Variants in ATF1 observed in about 807,000 individuals in gnomAD.
ATF1 encodes cyclic AMP-dependent transcription factor ATF-1.
Under a neutral mutation model 34.7 loss-of-function variants are expected in ATF1, and 16 were observed. That is an observed-to-expected ratio of 0.46 (90% CI 0.31 to 0.70). The LOEUF is 0.70. Ranked by LOEUF, ATF1 falls within the 30% of genes least tolerant of loss-of-function variation. ATF1 has a pLI of 0.05. For synonymous variants in ATF1, 105 were observed against 113.1 expected, an observed-to-expected ratio of 0.93 and a Z score of 0.46; for missense variants, 255 against 321.6, an observed-to-expected ratio of 0.79 and a Z score of 1.58.
At chr12:50,785,780 C>CAGTAACT (rs1941174624) in intron 2 of ATF1, among the ~76,000 whole-genome samples, 1 of 152,158 alleles carries the variant, frequency 6.6e-6, no homozygotes, top group African/African-American at 2.4e-5. Flanking sequence ...TAAAGGCCAC[C>CAGTAACT]AGTAACTCCC....
At chr12:50,802,095 C>CCATAT (rs1941522856) in intron 3 of ATF1, among the ~76,000 whole-genome samples, 1 of 152,154 alleles carries the variant, frequency 6.6e-6, no homozygotes, top group African/African-American at 2.4e-5. Flanking sequence ...AACTGTATTT[C>CCATAT]CATATACTAG....
intron 4 of ATF1, 102 bp downstream of exon 4, chr12:50,809,691 T>C: frequency 8.2e-7 from 1 of 1,224,112 alleles, no homozygotes; most frequent in Non-Finnish European, 1.1e-6. Flanking sequence ...ATAGTGATGA[T>C]TATTAAAGGA....
At chr12:50,777,415 T>G (rs1940951046) in intron 1 of ATF1, among the ~76,000 whole-genome samples, 1 of 152,164 alleles carries the variant, frequency 6.6e-6, no homozygotes, top group African/African-American at 2.4e-5. Context: ...TAAACTACTT[T>G]CTGTCTGAAG....
At chr12:50,783,489 T>A (rs1006757358) in intron 2 of ATF1, among the ~76,000 whole-genome samples, 1 of 152,208 alleles carries the variant, frequency 6.6e-6, no homozygotes, top group African/African-American at 2.4e-5. Flanking sequence ...ATGTGACTCT[T>A]CAAATTTCCT....
In ATF1 at chr12:50,816,828, C is replaced by CGA. The variant is rs1217960250; in HGVS notation, c.671+2389_671+2390insGA. Among the ~76,000 whole-genome samples, 9 of 152,170 alleles carry CGA rather than the reference C, an allele frequency of 5.9e-5. No homozygotes were observed. The South Asian group carries it at 1.7e-3, about 28-fold the overall frequency. On this transcript the variant is annotated intron_variant, in intron 6 of 6. Transcript: ENST00000262053. ...GAGCCATGATCACGCCATTGTACTTCAGCCTGGGCAACAGAGCAAGACTCT... is the reference window on the plus strand; with the variant it reads ...GAGCCATGATCACGCCATTGTACTTCGAAGCCTGGGCAACAGAGCAAGACTCT...
intron 4 of ATF1, among the ~76,000 whole-genome samples, chr12:50,813,275 AACTATCACT>A (rs1941774405): frequency 3.3e-5 from 5 of 152,204 alleles, no homozygotes; most frequent in Admixed American, 3.3e-4. Context: ...TACATTTCTT[AACTATCACT>A]TAAGTAAATA....
At chr12:50,780,334 G>A in intron 2 of ATF1, 96 bp downstream of exon 2, 1 of 1,225,316 alleles carries the variant, frequency 8.2e-7, no homozygotes, top group Non-Finnish European at 1.1e-6. Context: ...GTTTTATTTT[G>A]GTTTTTGTTT....
chr12:50,784,679 TAAAAG>T (rs1475341278), intron 2 of ATF1, among the ~76,000 whole-genome samples: 1 of 152,118 alleles, frequency 6.6e-6, no homozygotes, highest in Non-Finnish European at 1.5e-5. Context: ...TGGCGTATCT[TAAAAG>T]AATCACTCAG....
intron 1 of ATF1, chr12:50,775,565 GT>G (rs1045403831): frequency 3.5e-4 from 49 of 141,004 alleles, no homozygotes; most frequent in East Asian, 6.2e-4. Flanking sequence ...AATTAAAATT[GT>G]TTTTTTTTTT....
At chr12:50,798,808 A>G (rs1439781754) in intron 3 of ATF1, among the ~76,000 whole-genome samples, 1 of 152,180 alleles carries the variant, frequency 6.6e-6, no homozygotes, top group Non-Finnish European at 1.5e-5. Flanking sequence ...AACTCAATAA[A>G]TGCTGGGAAA....
chr12:50,776,493 TAAAA>T lies in ATF1; in HGVS notation c.-6-3631_-6-3628del, dbSNP rs771176201. On this transcript the variant is annotated intron_variant, in intron 1 of 6. Transcript: ENST00000262053. Reference sequence around the variant, plus strand: ...GGGTCACAGAGCAACACCCTGTCTTTAAAAAAAAAAAAAAAAAAAGAAGGAAAAC... The same window carrying T: ...GGGTCACAGAGCAACACCCTGTCTTTAAAAAAAAAAAAAAAGAAGGAAAAC... Among the ~76,000 whole-genome samples the T allele has an allele frequency of 5.1e-5, 6 of 116,870 alleles. No individual in the cohort carries two copies. In the Admixed American group the frequency reaches 5.3e-4, roughly 10 times the overall value. The allele number at this position is 116,870 out of a possible 152,430, so 76.7% of individuals were successfully genotyped here.
intron 3 of ATF1, among the ~76,000 whole-genome samples, chr12:50,799,221 C>T (rs987966393): frequency 1.3e-5 from 2 of 152,036 alleles, no homozygotes; most frequent in South Asian, 4.1e-4. Context: ...CCTGTCTCTA[C>T]AAAAAATACA....
At chr12:50,767,612 G>T in intron 1 of ATF1, among the ~76,000 whole-genome samples, 1 of 152,224 alleles carries the variant, frequency 6.6e-6, no homozygotes, top group Middle Eastern at 3.2e-3. Flanking sequence ...GCAGGTCCCT[G>T]TAACAAATAA....
At chr12:50,781,933 AAT>A (rs1200485748) in intron 2 of ATF1, among the ~76,000 whole-genome samples, 25 of 151,692 alleles carry the variant, frequency 1.6e-4, no homozygotes, top group Non-Finnish European at 3.5e-4. Context: ...AAAAAAAAAA[AAT>A]CATGCATGAG....
intron 6 of ATF1, among the ~76,000 whole-genome samples, chr12:50,815,005 C>G (rs112903832): frequency 6.6e-6 from 1 of 151,856 alleles, no homozygotes; most frequent in Non-Finnish European, 1.5e-5. Context: ...GCCTGTAGTC[C>G]CAGCTACCCG....
intron 1 of ATF1, among the ~76,000 whole-genome samples, chr12:50,771,497 T>C (rs965358792): frequency 1.3e-5 from 2 of 152,160 alleles, no homozygotes; most frequent in Non-Finnish European, 2.9e-5. Context: ...GAGACCCTCA[T>C]AGGCAGGCAG....
intron 2 of ATF1, among the ~76,000 whole-genome samples, chr12:50,783,892 C>T (rs1215122337): frequency 1.3e-5 from 2 of 148,224 alleles, no homozygotes; most frequent in Non-Finnish European, 3.0e-5. Context: ...AAATGGCTGG[C>T]CACGGTGGCT....
At chr12:50,776,425 T>G (rs966654677) in intron 1 of ATF1, among the ~76,000 whole-genome samples, 2 of 147,466 alleles carry the variant, frequency 1.4e-5, no homozygotes, top group African/African-American at 2.5e-5. Flanking sequence ...CCCAGTAGAT[T>G]GAGACTGCAG....
rs1163777701 is a variant in ATF1 at position 50,780,218 on chromosome 12, A to G, written c.73A>G (p.Ile25Val). The G allele has an allele frequency of 6.2e-7, 1 of 1,612,832 alleles. No individual in the cohort carries two copies. Among genetic ancestry groups the G allele is most frequent in the African/African-American group, 1.3e-5 (1 of 74,878 alleles). The change falls in exon 2 of 7, where the codon ATT becomes GTT. Residue 25 changes from isoleucine (I) to valine (V), a missense_variant. Ile to Val is a conservative substitution (Grantham distance 29). Around this residue, in one of 2 missense-constraint regions of ATF1, gnomAD observed 221 missense variants for 250.7 expected, o/e 0.88. Coordinates refer to ENST00000262053, the MANE Select transcript of ATF1 (RefSeq NM_005171.5). ...TGGTTCAGCAGTTCAGGGAGCTCAC[A>G]TTTCTCATATTGCTCAACAGGTAAG... ...QPGSAVQGAH[I>V]SHIAQQVSSL...
Sources: allele counts gnomAD v4.1 joint callset (sites outside exome capture counted in the v4.1 genomes callset), GRCh38; gene constraint gnomAD v4.1.1; regional missense constraint gnomAD v4.1.1; transcripts MANE v1.5; gene names NCBI Gene and HGNC (gene_info 2026-07-23, HGNC 2026-07-21).